RBFOX1: variants seen among roughly 807,000 people sequenced by gnomAD.
The protein encoded by RBFOX1 is RNA binding protein fox-1 homolog 1.
A neutral mutation model predicts 57.7 loss-of-function variants in RBFOX1; 8 were observed. The ratio of observed to expected loss-of-function variants is 0.14; its 90% CI spans 0.08 to 0.25. The LOEUF is 0.25. Among genes scored for constraint, RBFOX1 ranks in the 10% least tolerant of loss-of-function variants. The pLI is 1.00. For missense variants in RBFOX1, 611 were observed against 548.5 expected (o/e 1.11, Z -1.14); for synonymous variants, 326 against 222.4 (o/e 1.47, Z -4.15).
In RBFOX1 at chr16:6,510,252, A is replaced by G. The variant is rs567319104; in HGVS notation, c.-63-144351A>G. Among the ~76,000 whole-genome samples, 13 of 152,294 alleles carry G rather than the reference A, an allele frequency of 8.5e-5. No homozygotes were observed. In the South Asian group the frequency reaches 2.1e-3, roughly 24 times the overall value. ...GGCATTGAACAGCCACACCGGAACC[A>G]TTATTGGATTCTGCAAGCATCTCTG... On this transcript the variant is annotated intron_variant, in intron 2 of 15. Coordinates refer to ENST00000550418, the MANE Select transcript of RBFOX1 (RefSeq NM_018723.4).
intron 1 of RBFOX1, among the ~76,000 whole-genome samples, chr16:5,388,836 C>T (rs2066325445): frequency 6.6e-6 from 1 of 151,730 alleles, no homozygotes; most frequent in Admixed American, 6.6e-5. Context: ...CTCAGCCTCC[C>T]AAAGTGCTGG....
At chr16:6,917,657 T>A (rs1288943721) in intron 3 of RBFOX1, among the ~76,000 whole-genome samples, 5 of 152,210 alleles carry the variant, frequency 3.3e-5, no homozygotes, top group African/African-American at 1.2e-4. Context: ...CAGATACCAT[T>A]TGCTGTTTTG....
intron 3 of RBFOX1, among the ~76,000 whole-genome samples, chr16:6,877,096 G>A (rs2061984847): frequency 6.6e-6 from 1 of 152,156 alleles, no homozygotes; most frequent in Non-Finnish European, 1.5e-5. Context: ...TGCTTAACAA[G>A]CATAGGCAGT....
chr16:7,202,298 TA>T (rs35437762), intron 4 of RBFOX1, among the ~76,000 whole-genome samples: 39,508 of 131,678 alleles, frequency 0.3, 6,412 homozygotes, highest in African/African-American at 0.49. Flanking sequence ...TGGCTGCAAA[TA>T]AAAAAAAAAA....
chr16:5,432,283 A>G (rs2067762560), intron 1 of RBFOX1, among the ~76,000 whole-genome samples: 1 of 151,834 alleles, frequency 6.6e-6, no homozygotes. Context: ...AAATGAGATG[A>G]AATGGGAAAA....
At position 6,173,604 on chromosome 16, in the gene RBFOX1, C is replaced by CTTTTTTTTTT. The variant is rs35528338; in HGVS notation, c.-126-143377_-126-143368dup. 8.9e-4 allele frequency among the ~76,000 whole-genome samples: 63 copies of CTTTTTTTTTT among 70,948 alleles called. 6 individuals carry two copies. The highest frequency in any genetic ancestry group is 3.5e-3 in the African/African-American group (59 of 17,056). The allele number at this position is 70,948 out of a possible 152,430, so 46.5% of individuals were successfully genotyped here. On this transcript the variant is annotated intron_variant, in intron 1 of 15. Transcript: ENST00000550418. ...GTATGGAGTGGACACTGACCACTCCCTTTTTTTTTTTTTTTTTTTTTTTGA... is the reference window on the plus strand; with the variant it reads ...GTATGGAGTGGACACTGACCACTCCCTTTTTTTTTTTTTTTTTTTTTTTTTTTTTTTTTGA...
intron 3 of RBFOX1, among the ~76,000 whole-genome samples, chr16:6,877,225 C>G (rs2062011545): frequency 1.3e-5 from 2 of 152,282 alleles, no homozygotes; most frequent in Admixed American, 6.5e-5. Context: ...TTAATACAGT[C>G]CATATTTCAT....
chr16:6,221,549 A>T (rs893985883), intron 1 of RBFOX1, among the ~76,000 whole-genome samples: 4 of 152,202 alleles, frequency 2.6e-5, no homozygotes, highest in Non-Finnish European at 4.4e-5. Context: ...AACATTTCCT[A>T]TCATTTGTTA....
intron 1 of RBFOX1, among the ~76,000 whole-genome samples, chr16:5,288,769 A>G (rs2063461231): frequency 2.0e-5 from 3 of 152,020 alleles, no homozygotes; most frequent in South Asian, 4.1e-4. Flanking sequence ...AGTCTTCCTT[A>G]TGCTGTTAAG....
chr16:7,020,090 C>G (rs1408304708), intron 3 of RBFOX1, among the ~76,000 whole-genome samples: 1 of 151,988 alleles, frequency 6.6e-6, no homozygotes, highest in East Asian at 1.9e-4. Flanking sequence ...CTCCCCACTT[C>G]CATTGTCAAG....
intron 10 of RBFOX1, among the ~76,000 whole-genome samples, chr16:7,615,708 C>A (rs1032053729): frequency 2.6e-5 from 4 of 151,998 alleles, no homozygotes; most frequent in Non-Finnish European, 5.9e-5. Context: ...TTCATTGTTA[C>A]ATCTTGGGTG....
At chr16:5,479,182 C>T (rs1345634412) in intron 2 of RBFOX1, among the ~76,000 whole-genome samples, 2 of 152,110 alleles carry the variant, frequency 1.3e-5, no homozygotes, top group Admixed American at 6.5e-5. Flanking sequence ...TATCTTCTGT[C>T]ATGGCCTCTG....
Position 6,811,318 on chromosome 16 carries a change from C to T in RBFOX1, c.-16+156668C>T, listed in dbSNP as rs1256296229. On this transcript the variant is annotated intron_variant, in intron 3 of 15. Coordinates refer to ENST00000550418, the MANE Select transcript of RBFOX1 (RefSeq NM_018723.4). Reference sequence around the variant, plus strand: ...CTCAACTTTGTAAAATAGAATTGAACCCAGTAATACTGGATAAGATTTAAA... The same window carrying T: ...CTCAACTTTGTAAAATAGAATTGAATCCAGTAATACTGGATAAGATTTAAA... Among the ~76,000 whole-genome samples the T allele has an allele frequency of 2.6e-5, 4 of 152,106 alleles. 1 individual carries two copies. The highest frequency in any genetic ancestry group is 7.2e-5 in the African/African-American group (3 of 41,416).
intron 1 of RBFOX1, among the ~76,000 whole-genome samples, chr16:5,293,801 G>A (rs1268097904): frequency 6.6e-6 from 1 of 151,928 alleles, no homozygotes; most frequent in East Asian, 1.9e-4. Flanking sequence ...TATTTTTTGG[G>A]GGGGCGGGGG....
At chr16:7,544,060 C>T (rs1158618472) in intron 5 of RBFOX1, among the ~76,000 whole-genome samples, 2 of 152,154 alleles carry the variant, frequency 1.3e-5, no homozygotes, top group Non-Finnish European at 2.9e-5. Context: ...TTTGTCTTCC[C>T]AATGACTTTA....
chr16:7,424,017 G>C (rs973197392), intron 4 of RBFOX1, among the ~76,000 whole-genome samples: 3 of 152,106 alleles, frequency 2.0e-5, no homozygotes, highest in African/African-American at 2.4e-5. Context: ...TAATTGTTCT[G>C]TCTATTTATA....
intron 2 of RBFOX1, among the ~76,000 whole-genome samples, chr16:5,478,896 G>C (rs1051391439): frequency 3.9e-5 from 6 of 152,200 alleles, no homozygotes; most frequent in African/African-American, 1.4e-4. Flanking sequence ...CTCTCTGTCT[G>C]TATTTGGGTT....
At chr16:7,165,450 A>G (rs1476709870) in intron 4 of RBFOX1, among the ~76,000 whole-genome samples, 5 of 150,592 alleles carry the variant, frequency 3.3e-5, no homozygotes, top group African/African-American at 1.2e-4. Context: ...ACCATTTGAG[A>G]TGGAGTTTCG....
chr16:5,912,615 C>G (rs558690159), intron 4 of RBFOX1, among the ~76,000 whole-genome samples: 1 of 152,300 alleles, frequency 6.6e-6, no homozygotes, highest in East Asian at 1.9e-4. Flanking sequence ...TGGCAAAACA[C>G]CAGCCACAAC....
Sources: gnomAD v4.1 joint callset for allele counts (sites outside exome capture counted in the v4.1 genomes callset) on GRCh38, gnomAD v4.1.1 for gene constraint, MANE v1.5 for transcripts, NCBI Gene and HGNC (gene_info 2026-07-23, HGNC 2026-07-21) for gene names.